The following NTRK2 variants were observed in gnomAD, a reference collection of about 807,000 sequenced individuals.
NTRK2 encodes the protein neurotrophic receptor tyrosine kinase 2, also known as BDNF/NT-3 growth factors receptor.
Under a neutral mutation model 94.5 loss-of-function variants are expected in NTRK2, and 13 were observed. The ratio of observed to expected loss-of-function variants is 0.14; its 90% confidence interval spans 0.09 to 0.22. NTRK2 has a LOEUF of 0.22. Ranked by LOEUF, NTRK2 falls within the 10% of genes least tolerant of loss-of-function variation. NTRK2 has a pLI of 1.00. For synonymous variants in NTRK2, 372 were observed against 407.4 expected (o/e 0.91, Z 1.05); for missense variants, 639 against 1,071.2 (o/e 0.60, Z 5.63).
chr9:84,965,839 A>G (rs1825491655), intron 17 of NTRK2, among the ~76,000 whole-genome samples: 1 of 152,028 alleles, frequency 6.6e-6, no homozygotes, highest in South Asian at 2.1e-4. Context: ...TCATCTTTCA[A>G]CTCTCCATAT....
At chr9:84,995,199 C>T (rs1829590374) in intron 17 of NTRK2, among the ~76,000 whole-genome samples, 1 of 152,172 alleles carries the variant, frequency 6.6e-6, no homozygotes, top group South Asian at 2.1e-4. Flanking sequence ...GGGTCTACTG[C>T]CAGCATGTGC....
chr9:84,918,075 G>A (rs2077450504), intron 14 of NTRK2, among the ~76,000 whole-genome samples: 1 of 152,192 alleles, frequency 6.6e-6, no homozygotes, highest in Non-Finnish European at 1.5e-5. Flanking sequence ...TACAAAAGTG[G>A]AGGCTGTAGC....
intron 17 of NTRK2, among the ~76,000 whole-genome samples, chr9:85,010,449 A>T (rs1267401049): frequency 6.6e-6 from 1 of 152,200 alleles, no homozygotes; most frequent in Non-Finnish European, 1.5e-5. Context: ...GGAGGCCATG[A>T]AAAGCTCGGT....
chr9:84,714,337 A>AT (rs2061585167), intron 6 of NTRK2, among the ~76,000 whole-genome samples: 1 of 152,156 alleles, frequency 6.6e-6, no homozygotes, highest in African/African-American at 2.4e-5. Context: ...TGTGAAGCAC[A>AT]TGGTTATGTG....
chr9:84,877,464 G>A (rs2076108898), intron 14 of NTRK2: 1 of 1,065,856 alleles, frequency 9.4e-7, no homozygotes, highest in Non-Finnish European at 1.1e-6. Context: ...AACCCTGCTG[G>A]CTAATGGGCA....
At chr9:84,754,567 T>C (rs2064914054) in intron 12 of NTRK2, among the ~76,000 whole-genome samples, 1 of 152,164 alleles carries the variant, frequency 6.6e-6, no homozygotes, top group Non-Finnish European at 1.5e-5. Context: ...AAACATATGC[T>C]TAAAAAAGGG....
At chr9:84,960,620 A>G (rs1824800817) in intron 17 of NTRK2, among the ~76,000 whole-genome samples, 1 of 152,214 alleles carries the variant, frequency 6.6e-6, no homozygotes, top group Non-Finnish European at 1.5e-5. Context: ...TTTGTCATGT[A>G]CTAACACCAT....
intron 17 of NTRK2, among the ~76,000 whole-genome samples, chr9:85,000,658 G>T (rs919037989): frequency 1.3e-5 from 2 of 151,956 alleles, no homozygotes; most frequent in Non-Finnish European, 2.9e-5. Context: ...TTATCCATTC[G>T]CCTACTGAAG....
chr9:84,737,511 T>C (rs957295894), intron 9 of NTRK2, among the ~76,000 whole-genome samples: 2 of 152,308 alleles, frequency 1.3e-5, no homozygotes, highest in African/African-American at 4.8e-5. Context: ...TGATTCCATC[T>C]TTGATGTGTG....
intron 14 of NTRK2, chr9:84,873,692 G>A (rs1050994822): frequency 3.8e-6 from 4 of 1,055,868 alleles, no homozygotes; most frequent in African/African-American, 3.3e-5. Context: ...CTGAGATGAA[G>A]ATTTGTTAGC....
At chr9:84,905,661 T>C (rs1200187355) in intron 14 of NTRK2, among the ~76,000 whole-genome samples, 1 of 152,226 alleles carries the variant, frequency 6.6e-6, no homozygotes, top group Non-Finnish European at 1.5e-5. Flanking sequence ...TTAATTTGGA[T>C]TACAATCAAA....
chr9:84,781,711 T>C (rs529346390), intron 12 of NTRK2, among the ~76,000 whole-genome samples: 3 of 152,272 alleles, frequency 2.0e-5, no homozygotes, highest in Non-Finnish European at 2.9e-5. Context: ...GATGGAACAA[T>C]GTAGGCATAT....
intron 15 of NTRK2, among the ~76,000 whole-genome samples, chr9:84,937,811 A>T (rs559484082): frequency 6.6e-6 from 1 of 152,226 alleles, no homozygotes; most frequent in Non-Finnish European, 1.5e-5. Context: ...CTGTGGATGC[A>T]TTAGCTATTT....
At chr9:84,677,656 G>A (rs2059142442) in intron 2 of NTRK2, among the ~76,000 whole-genome samples, 1 of 152,114 alleles carries the variant, frequency 6.6e-6, no homozygotes, top group African/African-American at 2.4e-5. Flanking sequence ...CCTATCTAAT[G>A]TCTCATTTAG....
chr9:84,854,938 C>T (rs1293243275), intron 12 of NTRK2, among the ~76,000 whole-genome samples: 45 of 106,984 alleles, frequency 4.2e-4, no homozygotes, highest in Admixed American at 2.8e-3. Flanking sequence ...CAGAGCGAGA[C>T]TCCGTCTCAA....
chr9:84,729,660 T>A (rs181159926), intron 9 of NTRK2, among the ~76,000 whole-genome samples: 4 of 152,236 alleles, frequency 2.6e-5, no homozygotes, highest in Non-Finnish European at 5.9e-5. Context: ...TTGTCACAAA[T>A]GAGAAACTAA....
intron 17 of NTRK2, among the ~76,000 whole-genome samples, chr9:85,012,996 A>T (rs1298908555): frequency 6.6e-6 from 1 of 152,198 alleles, no homozygotes; most frequent in Non-Finnish European, 1.5e-5. Context: ...ACCAGATTGA[A>T]AGATGTTCTA....
At chr9:85,009,542 A>G (rs1205037321) in intron 17 of NTRK2, among the ~76,000 whole-genome samples, 1 of 152,198 alleles carries the variant, frequency 6.6e-6, no homozygotes, top group Non-Finnish European at 1.5e-5. Flanking sequence ...TTTTATGGGT[A>G]TATTTTATCT....
At chr9:84,831,400 C>T (rs953450968) in intron 12 of NTRK2, among the ~76,000 whole-genome samples, 7 of 151,952 alleles carry the variant, frequency 4.6e-5, no homozygotes, top group South Asian at 2.1e-4. Flanking sequence ...CAAGTCTAAC[C>T]GAAGGGAGGG....
Sources: gnomAD v4.1 joint callset for allele counts (sites outside exome capture counted in the v4.1 genomes callset) on GRCh38, gnomAD v4.1.1 for gene constraint, MANE v1.5 for transcripts, NCBI Gene and HGNC (gene_info 2026-07-23, HGNC 2026-07-21) for gene names.